INPP4B: variants seen among roughly 807,000 people sequenced by gnomAD.
INPP4B encodes the protein inositol polyphosphate 4-phosphatase type II.
INPP4B carries 55 observed loss-of-function variants against 122.5 expected under a neutral mutation model. That is an observed-to-expected ratio of 0.45 (90% CI 0.36 to 0.56). The LOEUF (loss-of-function observed/expected upper bound fraction) is 0.56, where lower values mean the gene tolerates loss of function less well. INPP4B is among the 20% of genes least tolerant of loss of function. The pLI, the probability that INPP4B is intolerant of heterozygous loss-of-function variation, is 0.00. For synonymous variants in INPP4B, 403 were observed against 388.7 expected (o/e 1.04, Z -0.43); for missense variants, 1,000 against 1,097.7 (o/e 0.91, Z 1.26).
chr4:142,651,983 C>T (rs938176891), intron 2 of INPP4B, among the ~76,000 whole-genome samples: 12 of 152,188 alleles, frequency 7.9e-5, no homozygotes, highest in Admixed American at 2.6e-4. Flanking sequence ...AAAATACTGG[C>T]AAACTCAATC....
At chr4:142,437,911 G>A in intron 3 of INPP4B, among the ~76,000 whole-genome samples, 1 of 152,054 alleles carries the variant, frequency 6.6e-6, no homozygotes, top group East Asian at 1.9e-4. Context: ...AAAAGCCCAG[G>A]ATCAGACAGA....
chr4:142,330,536 C>T (rs151218132), intron 7 of INPP4B, among the ~76,000 whole-genome samples: 16 of 152,214 alleles, frequency 1.1e-4, no homozygotes, highest in Non-Finnish European at 8.8e-5. Flanking sequence ...TGTGCACACA[C>T]GCACACACAT....
chr4:142,174,553 A>G (rs930939918), intron 15 of INPP4B, among the ~76,000 whole-genome samples: 26 of 152,238 alleles, frequency 1.7e-4, no homozygotes, highest in South Asian at 6.2e-4. Context: ...TTTTATCACG[A>G]CACTTTTTCT....
intron 2 of INPP4B, among the ~76,000 whole-genome samples, chr4:142,647,509 C>A (rs186604191): frequency 4.9e-4 from 75 of 152,270 alleles, no homozygotes; most frequent in African/African-American, 1.8e-3. Flanking sequence ...AATGCTCACC[C>A]ACCACAATGG....
intron 16 of INPP4B, among the ~76,000 whole-genome samples, chr4:142,169,679 C>T (rs1361411154): frequency 6.6e-6 from 1 of 151,624 alleles, no homozygotes; most frequent in East Asian, 1.9e-4. Flanking sequence ...CTCAAATACG[C>T]TGTGAGTATA....
intron 25 of INPP4B, among the ~76,000 whole-genome samples, chr4:142,073,957 C>G (rs1003676418): frequency 6.6e-6 from 1 of 151,934 alleles, no homozygotes; most frequent in Non-Finnish European, 1.5e-5. Flanking sequence ...TGTTTCTCAG[C>G]TGGAAGTGTC....
chr4:142,298,819 A>G (rs752283527), intron 9 of INPP4B, among the ~76,000 whole-genome samples: 2 of 152,110 alleles, frequency 1.3e-5, no homozygotes, highest in African/African-American at 2.4e-5. Flanking sequence ...GCTGTGCAAC[A>G]TTAAGAAGTT....
chr4:142,498,314 A>G (rs917761860), intron 2 of INPP4B, among the ~76,000 whole-genome samples: 21 of 151,922 alleles, frequency 1.4e-4, no homozygotes, highest in African/African-American at 4.8e-4. Context: ...ATCACAACTC[A>G]GATCTACCAA....
chr4:142,350,621 C>A (rs1284625289), intron 7 of INPP4B, among the ~76,000 whole-genome samples: 1 of 151,978 alleles, frequency 6.6e-6, no homozygotes, highest in East Asian at 1.9e-4. Flanking sequence ...GTGTAAATTT[C>A]AAGTACCCTG....
intron 21 of INPP4B, among the ~76,000 whole-genome samples, chr4:142,117,855 C>T (rs1362633646): frequency 1.3e-5 from 2 of 152,150 alleles, no homozygotes; most frequent in African/African-American, 4.8e-5. Context: ...GTCAAATTGT[C>T]CCTGTTTGCA....
intron 17 of INPP4B, among the ~76,000 whole-genome samples, chr4:142,151,235 T>C (rs764550199): frequency 6.6e-6 from 1 of 152,174 alleles, no homozygotes; most frequent in Non-Finnish European, 1.5e-5. Flanking sequence ...AAATATTGTA[T>C]GTTTCAAACT....
chr4:142,058,532 C>A (rs1257001783), intron 25 of INPP4B, among the ~76,000 whole-genome samples: 1 of 152,084 alleles, frequency 6.6e-6, no homozygotes, highest in Non-Finnish European at 1.5e-5. Flanking sequence ...CAAGAGACCA[C>A]ACGCTCTCCA....
intron 3 of INPP4B, among the ~76,000 whole-genome samples, chr4:142,461,841 G>T (rs1816805475): frequency 6.6e-6 from 1 of 151,348 alleles, no homozygotes; most frequent in Non-Finnish European, 1.5e-5. Flanking sequence ...GTAAGGTGAG[G>T]TCAGGTGACA....
At position 142,371,761 on chromosome 4, in the gene INPP4B, G is replaced by T. The variant is rs1789984254; in HGVS notation, c.372+31177C>A. Among the ~76,000 whole-genome samples the T allele has an allele frequency of 3.3e-5, 5 of 151,384 alleles. 1 individual carries two copies. In the South Asian group the frequency reaches 8.3e-4, roughly 25 times the overall value. Reference sequence around the variant, plus strand: ...ATCTCACCCCAGTGAGAATGGATATGATCAAAAATACAAAAAATAACAAAT... The same window carrying T: ...ATCTCACCCCAGTGAGAATGGATATTATCAAAAATACAAAAAATAACAAAT... On this transcript the variant is annotated intron_variant, in intron 7 of 25. Coordinates refer to ENST00000262992, the MANE Select transcript of INPP4B (RefSeq NM_001101669.3).
chr4:142,839,830 G>T (rs751339812), intron 1 of INPP4B, among the ~76,000 whole-genome samples: 32 of 152,030 alleles, frequency 2.1e-4, no homozygotes, highest in Middle Eastern at 6.8e-3. Context: ...TTTTAAAAAA[G>T]GAAATGCATT....
chr4:142,817,779 A>G (rs1206774347), intron 1 of INPP4B, among the ~76,000 whole-genome samples: 2 of 152,194 alleles, frequency 1.3e-5, no homozygotes, highest in African/African-American at 4.8e-5. Context: ...ATATTGTGCA[A>G]CTTTATACTT....
chr4:142,172,872 T>C (rs1401484043), intron 16 of INPP4B, among the ~76,000 whole-genome samples: 5 of 152,086 alleles, frequency 3.3e-5, no homozygotes, highest in African/African-American at 1.2e-4. Context: ...TTACATGATC[T>C]CCTTAAAATG....
chr4:142,255,271 C>T (rs929954519), intron 11 of INPP4B, among the ~76,000 whole-genome samples: 2 of 151,988 alleles, frequency 1.3e-5, no homozygotes, highest in Non-Finnish European at 2.9e-5. Context: ...TAAAGACCAT[C>T]GAGACTAGGA....
chr4:142,671,671 T>G (rs1382245616), intron 2 of INPP4B, among the ~76,000 whole-genome samples: 1 of 152,278 alleles, frequency 6.6e-6, no homozygotes, highest in East Asian at 1.9e-4. Context: ...CTCATAGGTT[T>G]AGACTTAGTA....
Sources: allele counts gnomAD v4.1 joint callset (sites outside exome capture counted in the v4.1 genomes callset), GRCh38; gene constraint gnomAD v4.1.1; transcripts MANE v1.5; gene names NCBI Gene and HGNC (gene_info 2026-07-23, HGNC 2026-07-21).